Variants in TNRC18 observed in about 807,000 individuals in gnomAD.
TNRC18 encodes the protein trinucleotide repeat-containing gene 18 protein.
TNRC18 carries 69 observed loss-of-function variants against 226.7 expected under a neutral mutation model. That is an observed-to-expected ratio of 0.30 (90% CI 0.25 to 0.37). The LOEUF is 0.37. Ranked by LOEUF, TNRC18 falls within the 10% of genes least tolerant of loss-of-function variation. The pLI is 1.00. For missense variants in TNRC18, 4,754 were observed against 4,256.6 expected, an observed-to-expected ratio of 1.12 and a Z score of -3.25; for synonymous variants, 2,449 against 1,927.6, an observed-to-expected ratio of 1.27 and a Z score of -7.09.
chr7:5,389,440 T>G (rs1780110904), intron 4 of TNRC18, 104 bp from the exon 5 acceptor site: 3 of 1,094,320 alleles, frequency 2.7e-6, no homozygotes, highest in East Asian at 4.0e-5. Flanking sequence ...AACCCATGCC[T>G]CCCCCAGTGT....
chr7:5,313,340 C>A lies in TNRC18; in HGVS notation c.7551G>T (p.Trp2517Cys). 6.4e-7 allele frequency: 1 copy of A among 1,557,414 alleles called. No homozygotes were observed. Among genetic ancestry groups the A allele is most frequent in the African/African-American group, 1.4e-5 (1 of 73,518 alleles). Reference protein sequence around the residue: ...AAGSSEPKAPWPKATDGDLAQ... With the variant: ...AAGSSEPKAPCPKATDGDLAQ... ...CGAGGTCCCCGTCGGTGGCCTTGGG[C>A]CAGGGTGCCTTGGGCTCGCTGCTGC... is the stretch of plus-strand genomic sequence containing the variant. Residue 2517 changes from tryptophan (W) to cysteine (C), a missense_variant, in exon 27 of 30, where the codon TGG becomes TGT. Physicochemically the swap from Trp to Cys is radical, Grantham distance 215 (BLOSUM62 -2). Transcript: ENST00000430969.
At chr7:5,409,945 C>T (rs1208355235) in intron 2 of TNRC18, among the ~76,000 whole-genome samples, 3 of 147,078 alleles carry the variant, frequency 2.0e-5, no homozygotes, top group Admixed American at 6.8e-5. Flanking sequence ...GAGCCGAGAT[C>T]GCACCACTGC....
intron 17 of TNRC18, among the ~76,000 whole-genome samples, chr7:5,351,492 G>T (rs928380891): frequency 7.8e-5 from 5 of 64,256 alleles, no homozygotes; most frequent in Non-Finnish European, 1.8e-4. Context: ...GGGGTGGGGG[G>T]AACTCGGGGG....
At chr7:5,321,382 A>G (rs1281634269) in intron 21 of TNRC18, among the ~76,000 whole-genome samples, 192 bp from the exon 22 acceptor site, 2 of 152,074 alleles carry the variant, frequency 1.3e-5, no homozygotes, top group Admixed American at 1.3e-4. Flanking sequence ...ACCAGTGAGC[A>G]TGTACAGGGT....
chr7:5,406,796 A>C (rs1781496177), intron 2 of TNRC18, among the ~76,000 whole-genome samples: 1 of 151,408 alleles, frequency 6.6e-6, no homozygotes, highest in Non-Finnish European at 1.5e-5. Flanking sequence ...GGTTGCAGTG[A>C]GCCGAGATTG....
chr7:5,398,579 A>G (rs1780863969), intron 2 of TNRC18, among the ~76,000 whole-genome samples: 1 of 151,676 alleles, frequency 6.6e-6, no homozygotes, highest in South Asian at 2.1e-4. Context: ...TTGGCCTCCC[A>G]AAGTGCTGGG....
intron 2 of TNRC18, among the ~76,000 whole-genome samples, chr7:5,411,215 CAAAAAAAAA>C (rs35392221): frequency 1.3e-5 from 1 of 75,994 alleles, no homozygotes; most frequent in Non-Finnish European, 2.6e-5. Context: ...GACTCCATCT[CAAAAAAAAA>C]AAAAAAAAAG....
chr7:5,358,366 TAAGG>T (rs775213929), intron 15 of TNRC18, among the ~76,000 whole-genome samples: 14 of 152,198 alleles, frequency 9.2e-5, no homozygotes, highest in East Asian at 3.8e-4. Context: ...TGACATTTCT[TAAGG>T]AAGAAAAAAG....
intron 5 of TNRC18, among the ~76,000 whole-genome samples, chr7:5,385,263 G>C (rs941917968): frequency 2.6e-5 from 4 of 152,166 alleles, no homozygotes; most frequent in African/African-American, 9.7e-5. Context: ...AAGGTGGGCA[G>C]ATCACTTGAG....
At chr7:5,351,342 C>A (rs776762689) in intron 17 of TNRC18, among the ~76,000 whole-genome samples, 5 of 152,074 alleles carry the variant, frequency 3.3e-5, no homozygotes, top group Non-Finnish European at 5.9e-5. Context: ...ACCAAAATCG[C>A]GGTACAAACA....
In TNRC18 at chr7:5,392,729, C is replaced by T. The variant is rs185000760; in HGVS notation, c.343+1711G>A. Among the ~76,000 whole-genome samples the T allele has an allele frequency of 4.6e-4, 70 of 152,300 alleles. 1 individual carries two copies. The highest frequency in any genetic ancestry group is 7.8e-4 in the Admixed American group (12 of 15,298). On this transcript the variant is annotated intron_variant, in intron 3 of 29. Transcript: ENST00000430969. Reference sequence around the variant, plus strand: ...AATGGACCTAATGGGCTTAATAGGCCGGGCACAGTGGCTCATGCCTGTAAT... The same window carrying T: ...AATGGACCTAATGGGCTTAATAGGCTGGGCACAGTGGCTCATGCCTGTAAT...
At chr7:5,316,134 AG>A in intron 24 of TNRC18, 62 bp from the exon 25 acceptor site, 1 of 1,364,024 alleles carries the variant, frequency 7.3e-7, no homozygotes, top group Non-Finnish European at 1.0e-6. Flanking sequence ...GTGACGCACA[AG>A]GGTCAGGATG....
Position 5,347,526 on chromosome 7 carries a change from G to A in TNRC18, c.5471-1716C>T, listed in dbSNP as rs535247616. On this transcript the variant is annotated intron_variant, in intron 17 of 29. Transcript: ENST00000430969. ...GCAAAAATTTTAAAATTAGCCAGGC[G>A]TGGTGGCTTACACCTGCAGTCCTGG... Among the ~76,000 whole-genome samples, 49 of 151,958 alleles carry A rather than the reference G, an allele frequency of 3.2e-4. No homozygotes were observed. In the East Asian group the frequency reaches 8.4e-3, roughly 26 times the overall value.
chr7:5,388,919 C>T lies in TNRC18; in HGVS notation c.905G>A (p.Arg302His), dbSNP rs1422073775. The change falls in exon 5 of 30, where the codon CGC becomes CAC. Residue 302 changes from arginine (R) to histidine (H), a missense_variant. Arg to His is a conservative substitution (Grantham distance 29). Transcript: ENST00000430969. ...CCGGGCAGCCTCCTTGGCACCCCCG[C>T]GCCCCGCTTCGGCCACCAGCGCGGG... ...GLPALVAEAGRGGAKEAARQD... is the reference protein window; with the variant it reads ...GLPALVAEAGHGGAKEAARQD... The T allele has an allele frequency of 1.3e-5, 18 of 1,370,864 alleles. No homozygotes were observed. Among genetic ancestry groups the T allele is most frequent in the Non-Finnish European group, 1.5e-5 (16 of 1,058,122 alleles). The allele number at this position is 1,370,864 out of a possible 1,614,324, so 84.9% of individuals were successfully genotyped here.
chr7:5,329,682 C>CAAA (rs10628315), intron 19 of TNRC18, among the ~76,000 whole-genome samples: 2,919 of 44,826 alleles, frequency 0.065, 482 homozygotes, highest in Middle Eastern at 0.094. Context: ...GACTCCGTCT[C>CAAA]AAAAAAAAAA....
chr7:5,335,989 T>C (rs1048204197), intron 18 of TNRC18, among the ~76,000 whole-genome samples: 10 of 151,664 alleles, frequency 6.6e-5, no homozygotes, highest in African/African-American at 2.4e-4. Flanking sequence ...GGCAGATCAC[T>C]TGAGGTGAGG....
At chr7:5,343,734 T>C (rs1186024858) in intron 18 of TNRC18, among the ~76,000 whole-genome samples, 1 of 152,236 alleles carries the variant, frequency 6.6e-6, no homozygotes, top group Non-Finnish European at 1.5e-5. Context: ...GCCAATAATC[T>C]ATTTTTTAAT....
intron 21 of TNRC18, among the ~76,000 whole-genome samples, chr7:5,322,503 A>C (rs10236482): frequency 2.0e-5 from 3 of 152,064 alleles, no homozygotes; most frequent in African/African-American, 7.2e-5. Flanking sequence ...ATGTTGCCCA[A>C]CTGATCTCGA....
Position 5,332,003 on chromosome 7 carries a change from AG to A in TNRC18, c.6147+618del, listed in dbSNP as rs373337239. Among the ~76,000 whole-genome samples the A allele has an allele frequency of 4.0e-3, 605 of 152,348 alleles. 3 individuals are homozygous for A. Among genetic ancestry groups the A allele is most frequent in the African/African-American group, 0.014 (578 of 41,578 alleles). On this transcript the variant is annotated intron_variant, in intron 19 of 29. Coordinates refer to ENST00000430969, the MANE Select transcript of TNRC18 (RefSeq NM_001080495.3). ...TAAATACATCCCTAAAGGAATGTAT[AG>A]GTACCATATCACAGAAGGGTCTTTT...
Sources: gnomAD v4.1 joint callset for allele counts (sites outside exome capture counted in the v4.1 genomes callset) on GRCh38, gnomAD v4.1.1 for gene constraint, MANE v1.5 for transcripts, NCBI Gene and HGNC (gene_info 2026-07-23, HGNC 2026-07-21) for gene names.